Variants in SPIDR observed in about 807,000 individuals in gnomAD.
SPIDR encodes the protein scaffold protein involved in DNA repair, also known as DNA repair-scaffolding protein.
SPIDR carries 93 observed loss-of-function variants against 104.6 expected under a neutral mutation model. The ratio of observed to expected loss-of-function variants is 0.89; its 90% CI spans 0.75 to 1.06. SPIDR has a LOEUF of 1.06. SPIDR is among the 50% of genes least tolerant of loss of function. The probability of loss-of-function intolerance (pLI) is 0.00; values close to 1 mark genes in which losing one functional copy is unlikely to be tolerated. For synonymous variants in SPIDR, 431 were observed against 416.9 expected (o/e 1.03, Z -0.41); for missense variants, 1,154 against 1,111.2 (o/e 1.04, Z -0.55).
intron 8 of SPIDR, among the ~76,000 whole-genome samples, chr8:47,539,360 A>T (rs535915732): frequency 6.6e-6 from 1 of 152,284 alleles, no homozygotes; most frequent in African/African-American, 2.4e-5. Flanking sequence ...GACGGTGGGT[A>T]TGCAGTGCCC....
chr8:47,546,434 A>T (rs75163957), intron 8 of SPIDR, among the ~76,000 whole-genome samples: 1,738 of 152,234 alleles, frequency 0.011, 20 homozygotes, highest in Non-Finnish European at 0.019. Flanking sequence ...TTTGATGTCT[A>T]CATGGTCTAT....
intron 14 of SPIDR, among the ~76,000 whole-genome samples, chr8:47,703,912 C>T (rs2080702873): frequency 6.6e-6 from 1 of 152,168 alleles, no homozygotes; most frequent in South Asian, 2.1e-4. Flanking sequence ...TACTGACGGC[C>T]ACCGAGTAGG....
intron 7 of SPIDR, among the ~76,000 whole-genome samples, chr8:47,423,012 AG>A (rs1291821997): frequency 6.6e-6 from 1 of 152,192 alleles, no homozygotes; most frequent in Non-Finnish European, 1.5e-5. Context: ...TGACTTTAAA[AG>A]AACAGCCAAA....
At chr8:47,692,417 C>G (rs998092173) in intron 11 of SPIDR, among the ~76,000 whole-genome samples, 2 of 151,706 alleles carry the variant, frequency 1.3e-5, no homozygotes, top group East Asian at 1.9e-4. Context: ...ACAGATGTGA[C>G]CTTTGGTGTC....
rs1413475892 is a variant in SPIDR at position 47,328,998 on chromosome 8, C to T, written c.525+34968C>T. Among the ~76,000 whole-genome samples, 85 of 151,930 alleles carry T rather than the reference C, an allele frequency of 5.6e-4. 1 individual carries two copies. Among genetic ancestry groups the T allele is most frequent in the Non-Finnish European group, 4.4e-5 (3 of 67,998 alleles). On this transcript the variant is annotated intron_variant, in intron 5 of 19. Coordinates refer to ENST00000297423, the MANE Select transcript of SPIDR (RefSeq NM_001080394.4). Reference sequence around the variant, plus strand: ...GTTGGCTCATGGCAAACTCCACTTCCTGGGTTCAAGCAATTCTCGTGCCTC... The same window carrying T: ...GTTGGCTCATGGCAAACTCCACTTCTTGGGTTCAAGCAATTCTCGTGCCTC...
At chr8:47,292,752 CA>C (rs2040146037) in intron 4 of SPIDR, among the ~76,000 whole-genome samples, 1 of 151,954 alleles carries the variant, frequency 6.6e-6, no homozygotes, top group Admixed American at 6.6e-5. Context: ...CATCACATTG[CA>C]ATATGTATTA....
chr8:47,394,061 C>T (rs2060959247), intron 5 of SPIDR, among the ~76,000 whole-genome samples: 2 of 152,122 alleles, frequency 1.3e-5, no homozygotes, highest in Admixed American at 1.3e-4. Flanking sequence ...TGTGTGCCAC[C>T]ACACCGGGCT....
intron 8 of SPIDR, among the ~76,000 whole-genome samples, chr8:47,551,607 G>C (rs185857704): frequency 6.6e-6 from 1 of 152,134 alleles, no homozygotes; most frequent in East Asian, 1.9e-4. Flanking sequence ...CTGTGGGATC[G>C]GTGGTGATAT....
In SPIDR at chr8:47,513,398, C is replaced by T. The variant is rs1247025163; in HGVS notation, c.1097+72856C>T. On this transcript the variant is annotated intron_variant, in intron 8 of 19. Transcript: ENST00000297423. ...GTTCAAAATCACTATACGGGTTTAG[C>T]TAATTACAATCTATACGTCTGTATT... Among the ~76,000 whole-genome samples the T allele has an allele frequency of 6.6e-5, 10 of 152,266 alleles. No homozygotes were observed. The East Asian group carries it at 1.9e-3, about 29-fold the overall frequency.
chr8:47,408,344 A>C (rs578017134), intron 7 of SPIDR, among the ~76,000 whole-genome samples: 1 of 152,226 alleles, frequency 6.6e-6, no homozygotes, highest in South Asian at 2.1e-4. Flanking sequence ...ATGTAGCCTC[A>C]AACTCTTGGG....
rs569099461 is a variant in SPIDR at position 47,261,730 on chromosome 8, T to TA, written c.33+740dup. On this transcript the variant is annotated intron_variant, in intron 1 of 19. Coordinates refer to ENST00000297423, the MANE Select transcript of SPIDR (RefSeq NM_001080394.4). Reference sequence around the variant, plus strand: ...CTTCCTGGAAAAAATAGACCACATATACTGGTTCAACTTCTTTACCACTAC... The same window carrying TA: ...CTTCCTGGAAAAAATAGACCACATATAACTGGTTCAACTTCTTTACCACTAC... 1.5e-3 allele frequency among the ~76,000 whole-genome samples: 224 copies of TA among 152,368 alleles called. 1 individual carries two copies. In the South Asian group the frequency reaches 0.046, roughly 31 times the overall value.
intron 8 of SPIDR, 91 bp from the exon 9 acceptor site, chr8:47,595,720 G>T (rs765666686): frequency 8.1e-7 from 1 of 1,237,794 alleles, no homozygotes; most frequent in Non-Finnish European, 1.2e-6. Flanking sequence ...CATAGCAGGC[G>T]AGTCATTGCT....
At chr8:47,344,117 C>T (rs1563683632) in intron 5 of SPIDR, among the ~76,000 whole-genome samples, 1 of 140,762 alleles carries the variant, frequency 7.1e-6, no homozygotes, top group East Asian at 2.4e-4. Flanking sequence ...ATCCCTACCC[C>T]CTCCCCCCAC....
chr8:47,350,304 CTTG>C lies in SPIDR; in HGVS notation c.526-46069_526-46067del, dbSNP rs558894723. Among the ~76,000 whole-genome samples, 28 of 152,232 alleles carry C rather than the reference CTTG, an allele frequency of 1.8e-4. No homozygotes were observed. The South Asian group carries it at 5.8e-3, about 32-fold the overall frequency. On this transcript the variant is annotated intron_variant, in intron 5 of 19. Coordinates refer to ENST00000297423, the MANE Select transcript of SPIDR (RefSeq NM_001080394.4). Reference sequence around the variant, plus strand: ...TTTCCTTGACACGTGAAAGATGACACTTGTTATAATTTATGTGTCATAAATAAA... The same window carrying C: ...TTTCCTTGACACGTGAAAGATGACACTTATAATTTATGTGTCATAAATAAA...
intron 5 of SPIDR, among the ~76,000 whole-genome samples, chr8:47,336,124 A>G (rs1196626195): frequency 6.6e-6 from 1 of 150,818 alleles, no homozygotes; most frequent in Non-Finnish European, 1.5e-5. Context: ...TAGATACTCT[A>G]TTTTTTTCAG....
At chr8:47,724,650 C>A (rs2083935127) in intron 16 of SPIDR, among the ~76,000 whole-genome samples, 1 of 152,220 alleles carries the variant, frequency 6.6e-6, no homozygotes, top group African/African-American at 2.4e-5. Context: ...TCTCAGATGG[C>A]TGAGTACTGA....
chr8:47,454,211 A>T (rs1028202719), intron 8 of SPIDR, among the ~76,000 whole-genome samples: 1 of 152,222 alleles, frequency 6.6e-6, no homozygotes, highest in Non-Finnish European at 1.5e-5. Flanking sequence ...ACAATAGCAA[A>T]GACTTGGAAC....
intron 16 of SPIDR, among the ~76,000 whole-genome samples, chr8:47,716,102 C>CTACAGGCAT (rs1260846953): frequency 1.3e-5 from 2 of 151,600 alleles, no homozygotes; most frequent in Non-Finnish European, 2.9e-5. Flanking sequence ...GTAGCTGGGA[C>CTACAGGCAT]TACAGGCATG....
Position 47,728,981 on chromosome 8 carries a change from T to C in SPIDR, c.2484T>C (p.Val828=). ...GDCSRVVTSP[V]LKRHLQVFLD... is the part of the protein sequence containing the mutation. The stretch of plus-strand genomic sequence containing the variant: ...GCTCCCGGGTGGTCACATCTCCTGT[T>C]CTCAAGAGGCACCTGCAGGTCTTCC... Residue 828 remains valine (V), a synonymous_variant, in exon 18 of 20, where the codon GTT becomes GTC. Transcript: ENST00000297423. 2 of 1,613,944 alleles carry C rather than the reference T, an allele frequency of 1.2e-6. No homozygotes were observed. Among genetic ancestry groups the C allele is most frequent in the Non-Finnish European group, 1.7e-6 (2 of 1,180,026 alleles).
Sources: gnomAD v4.1 joint callset for allele counts (sites outside exome capture counted in the v4.1 genomes callset) on GRCh38, gnomAD v4.1.1 for gene constraint, MANE v1.5 for transcripts, NCBI Gene and HGNC (gene_info 2026-07-23, HGNC 2026-07-21) for gene names.